Variants in PCGF5 observed in about 807,000 individuals in gnomAD.
The protein encoded by PCGF5 is polycomb group RING finger protein 5.
PCGF5 carries 9 observed loss-of-function variants against 44.3 expected under a neutral mutation model. The ratio of observed to expected loss-of-function variants is 0.20; its 90% CI spans 0.12 to 0.35. The LOEUF is 0.35. Among genes scored for constraint, PCGF5 ranks in the 10% least tolerant of loss-of-function variants. PCGF5 has a pLI of 1.00. For missense variants in PCGF5, 146 were observed against 305.3 expected, an observed-to-expected ratio of 0.48 and a Z score of 3.89; for synonymous variants, 95 against 102.5, an observed-to-expected ratio of 0.93 and a Z score of 0.44.
At chr10:91,174,669 G>C (rs1843670584) in intron 1 of PCGF5, among the ~76,000 whole-genome samples, 1 of 152,126 alleles carries the variant, frequency 6.6e-6, no homozygotes, top group South Asian at 2.1e-4. Flanking sequence ...AAAAATAAAG[G>C]ATAATAAACA....
intron 1 of PCGF5, among the ~76,000 whole-genome samples, chr10:91,211,797 T>G (rs1844457212): frequency 6.6e-6 from 1 of 152,144 alleles, no homozygotes; most frequent in Non-Finnish European, 1.5e-5. Context: ...AGAAGCCTGG[T>G]CGAGTTGTTA....
At chr10:91,251,233 G>A (rs1845615945) in intron 5 of PCGF5, 59 bp from the exon 6 acceptor site, 5 of 1,404,740 alleles carry the variant, frequency 3.6e-6, no homozygotes, top group Non-Finnish European at 2.9e-6. Flanking sequence ...ATGTATGATT[G>A]CTTAACTTTA....
intron 1 of PCGF5, among the ~76,000 whole-genome samples, chr10:91,172,267 A>G (rs1466251751): frequency 6.6e-6 from 1 of 152,124 alleles, no homozygotes; most frequent in Non-Finnish European, 1.5e-5. Flanking sequence ...AAAAATACAG[A>G]AATTAGCTGG....
At position 91,222,702 on chromosome 10, in the gene PCGF5, G is replaced by T; in HGVS notation, c.-170G>T. On this transcript the variant is annotated 5_prime_UTR_variant, in exon 2 of 10. Transcript: ENST00000336126. ...TTTTGGAAACAGACATGGGAAAGCG[G>T]AACCACCAAAAGGAGTGATGATCAA... The T allele has an allele frequency of 1.9e-6, 1 of 514,492 alleles. No homozygotes were observed. The allele number at this position is 514,492 out of a possible 1,614,324, so 31.9% of individuals were successfully genotyped here. A position where few individuals can be genotyped will look rare whatever the true frequency, so the allele number is the denominator to read the frequency against.
At position 91,240,506 on chromosome 10, in the gene PCGF5, G is replaced by A; in HGVS notation, c.135G>A (p.Gln45=). The A allele has an allele frequency of 6.2e-7, 1 of 1,610,860 alleles. No homozygotes were observed. The highest frequency in any genetic ancestry group is 2.2e-5 in the East Asian group (1 of 44,672). Reference sequence around the variant, plus strand: ...TAGTCTGTAAGACTTGTATTGTTCAGCACTTTGAAGATAGCAATGATTGCC... The same window carrying A: ...TAGTCTGTAAGACTTGTATTGTTCAACACTTTGAAGATAGCAATGATTGCC... ...LHTFCKTCIV[Q]HFEDSNDCPR... is the part of the protein sequence containing the mutation. The change falls in exon 3 of 10, where the codon CAG becomes CAA. Residue 45 remains glutamine, a synonymous_variant. Coordinates refer to ENST00000336126, the MANE Select transcript of PCGF5 (RefSeq NM_032373.5).
At chr10:91,224,594 T>A (rs1455320166) in intron 2 of PCGF5, among the ~76,000 whole-genome samples, 1 of 152,152 alleles carries the variant, frequency 6.6e-6, no homozygotes, top group African/African-American at 2.4e-5. Flanking sequence ...TCAGCCTCTT[T>A]GATATGATGA....
chr10:91,223,424 C>T (rs1212493895), intron 2 of PCGF5, among the ~76,000 whole-genome samples: 2 of 152,154 alleles, frequency 1.3e-5, no homozygotes, highest in Non-Finnish European at 2.9e-5. Flanking sequence ...TGCAGATTAT[C>T]AGGCCCTACC....
At chr10:91,174,198 T>G (rs1439167370) in intron 1 of PCGF5, among the ~76,000 whole-genome samples, 1 of 151,226 alleles carries the variant, frequency 6.6e-6, no homozygotes, top group Non-Finnish European at 1.5e-5. Context: ...AAAGCTTCAT[T>G]GCATTAAAAA....
intron 6 of PCGF5, among the ~76,000 whole-genome samples, chr10:91,257,331 A>G (rs1254758927): frequency 1.3e-5 from 2 of 152,102 alleles, no homozygotes; most frequent in African/African-American, 4.8e-5. Context: ...ATGTGGACAA[A>G]TTGAAACCTT....
At chr10:91,179,629 T>C (rs1210598954) in intron 1 of PCGF5, among the ~76,000 whole-genome samples, 1 of 152,214 alleles carries the variant, frequency 6.6e-6, no homozygotes, top group Admixed American at 6.5e-5. Flanking sequence ...GTTAGTTTGC[T>C]AAGGATAATG....
rs1223687746 is a variant in PCGF5, at chr10:91,281,546, C to A, written c.*3230C>A. 3 of 152,508 alleles carry A rather than the reference C, an allele frequency of 2.0e-5. No homozygotes were observed. The highest frequency in any genetic ancestry group is 7.2e-5 in the African/African-American group (3 of 41,436). 9.4% of individuals were successfully genotyped at this position (152,508 alleles called of 1,614,324 possible). A position where few individuals can be genotyped will look rare whatever the true frequency, so the allele number is the denominator to read the frequency against. On this transcript the variant is annotated 3_prime_UTR_variant, in exon 10 of 10. Coordinates refer to ENST00000336126, the MANE Select transcript of PCGF5 (RefSeq NM_032373.5). ...ATGAATGGTTTCATATCTAAATAGG[C>A]TCTTGTAAGTTAATTTTTTTGGAAG...
At chr10:91,241,063 T>TTTTATTTA (rs888747231) in intron 3 of PCGF5, among the ~76,000 whole-genome samples, 1 of 148,468 alleles carries the variant, frequency 6.7e-6, no homozygotes, top group African/African-American at 2.5e-5. Flanking sequence ...ATAATATATA[T>TTTTATTTA]TTTATTTATT....
intron 1 of PCGF5, among the ~76,000 whole-genome samples, chr10:91,201,203 G>A (rs1844245347): frequency 1.3e-5 from 2 of 152,120 alleles, no homozygotes; most frequent in Admixed American, 1.3e-4. Flanking sequence ...CTGGAGGCTG[G>A]GACATCCAAG....
intron 1 of PCGF5, among the ~76,000 whole-genome samples, chr10:91,178,780 G>A (rs1843763708): frequency 6.7e-6 from 1 of 149,690 alleles, no homozygotes; most frequent in East Asian, 2.0e-4. Flanking sequence ...AAAAAAAAAT[G>A]TAATGATGAT....
intron 1 of PCGF5, among the ~76,000 whole-genome samples, chr10:91,190,197 G>A (rs868785544): frequency 1.3e-5 from 2 of 152,156 alleles, no homozygotes; most frequent in Non-Finnish European, 2.9e-5. Flanking sequence ...GGGACTCGCT[G>A]GCTTTCTGAC....
chr10:91,276,737 A>C (rs1282480249), intron 9 of PCGF5, among the ~76,000 whole-genome samples: 1 of 152,206 alleles, frequency 6.6e-6, no homozygotes. Context: ...TGATTAATGC[A>C]TTCTAAAATG....
intron 6 of PCGF5, among the ~76,000 whole-genome samples, chr10:91,259,354 C>T (rs1448566493): frequency 6.6e-6 from 1 of 152,140 alleles, no homozygotes; most frequent in African/African-American, 2.4e-5. Flanking sequence ...TCCTCAGGGT[C>T]CCATTTGACA....
intron 1 of PCGF5, among the ~76,000 whole-genome samples, chr10:91,174,155 T>G: frequency 6.7e-6 from 1 of 149,836 alleles, no homozygotes; most frequent in Admixed American, 6.6e-5. Context: ...CCACTGTAGG[T>G]TGGATATGAA....
intron 1 of PCGF5, among the ~76,000 whole-genome samples, chr10:91,178,336 G>C (rs1342150526): frequency 6.6e-6 from 1 of 151,928 alleles, no homozygotes; most frequent in Non-Finnish European, 1.5e-5. Context: ...GTTTGCCTTT[G>C]GGAGTGACTG....
Sources: allele counts gnomAD v4.1 joint callset (sites outside exome capture counted in the v4.1 genomes callset), GRCh38; gene constraint gnomAD v4.1.1; transcripts MANE v1.5; gene names NCBI Gene and HGNC (gene_info 2026-07-23, HGNC 2026-07-21).